Variants in TRAPPC6B observed in about 807,000 individuals in gnomAD.
TRAPPC6B encodes trafficking protein particle complex subunit 6B.
In TRAPPC6B, 27 loss-of-function variants were observed where a neutral mutation model predicts 24.7. That is an observed-to-expected ratio of 1.09 (90% CI 0.81 to 1.51). The LOEUF (loss-of-function observed/expected upper bound fraction) is 1.51, where lower values mean the gene tolerates loss of function less well. Ranked by LOEUF, TRAPPC6B falls within the 40% of genes most tolerant of loss-of-function variation. TRAPPC6B has a pLI of 0.00. For synonymous variants in TRAPPC6B, 80 were observed against 66.6 expected, an observed-to-expected ratio of 1.20 and a Z score of -0.98; for missense variants, 212 against 190.8, an observed-to-expected ratio of 1.11 and a Z score of -0.66.
At chr14:39,161,512 C>T (rs2053058574) in intron 1 of TRAPPC6B, among the ~76,000 whole-genome samples, 1 of 152,120 alleles carries the variant, frequency 6.6e-6, no homozygotes, top group African/African-American at 2.4e-5. Flanking sequence ...AGCACAAATG[C>T]AACATATTAT....
At chr14:39,153,386 G>A (rs772123437) in intron 4 of TRAPPC6B, among the ~76,000 whole-genome samples, 7 of 151,998 alleles carry the variant, frequency 4.6e-5, no homozygotes, top group Admixed American at 3.3e-4. Context: ...CCAACACACT[G>A]GGAGGCCGAG....
intron 2 of TRAPPC6B, 78 bp downstream of exon 2, chr14:39,159,405 T>C: frequency 1.0e-6 from 1 of 994,700 alleles, no homozygotes; most frequent in Non-Finnish European, 1.4e-6. Context: ...ATATCCCAAG[T>C]TTTATGCAAT....
At chr14:39,153,703 CTTTTTTTT>C (rs753192860) in intron 4 of TRAPPC6B, among the ~76,000 whole-genome samples, 2 of 129,108 alleles carry the variant, frequency 1.5e-5, no homozygotes, top group African/African-American at 5.8e-5. Flanking sequence ...TCTTTTTTTT[CTTTTTTTT>C]TTTTTTTGAG....
At chr14:39,154,808 G>A (rs189798943) in intron 3 of TRAPPC6B, among the ~76,000 whole-genome samples, 3 of 152,102 alleles carry the variant, frequency 2.0e-5, no homozygotes, top group South Asian at 2.1e-4. Context: ...AATGTATACC[G>A]AACGGTTTTA....
intron 3 of TRAPPC6B, chr14:39,157,558 G>C: frequency 2.5e-6 from 1 of 393,610 alleles, no homozygotes; most frequent in Non-Finnish European, 5.0e-6. Flanking sequence ...CATCGAGGTG[G>C]CTGTCTTCCT....
At chr14:39,151,964 A>T in intron 4 of TRAPPC6B, 125 bp from the exon 5 acceptor site, 1 of 666,574 alleles carries the variant, frequency 1.5e-6, no homozygotes. Context: ...GATTTTGAAG[A>T]ACTGTTCAAA....
intron 1 of TRAPPC6B, among the ~76,000 whole-genome samples, chr14:39,169,573 G>A (rs1449589016): frequency 6.6e-6 from 1 of 152,118 alleles, no homozygotes; most frequent in Admixed American, 6.5e-5. Flanking sequence ...TAGGCTTCAG[G>A]TCTCAAGTTG....
chr14:39,157,119 A>G (rs764960463), intron 3 of TRAPPC6B: 16 of 193,648 alleles, frequency 8.3e-5, no homozygotes, highest in South Asian at 3.4e-4. Flanking sequence ...AAAAAAAAAA[A>G]AAAAAAAGAA....
In TRAPPC6B at chr14:39,170,184, G is replaced by T; in HGVS notation, c.-89C>A. On this transcript the variant is annotated 5_prime_UTR_variant, in exon 1 of 6. Coordinates refer to ENST00000330149, the MANE Select transcript of TRAPPC6B (RefSeq NM_001079537.2). ...CTCGCGCCTCAGCGACTTCGCCGGC[G>T]CCGCGGCTCCGTCAGGCCGCCATTC... is the stretch of plus-strand genomic sequence containing the variant. The T allele has an allele frequency of 1.5e-6, 2 of 1,335,930 alleles. No individual in the cohort carries two copies. Among genetic ancestry groups the T allele is most frequent in the Middle Eastern group, 1.8e-4 (1 of 5,424 alleles). The allele number at this position is 1,335,930 out of a possible 1,614,324, so 82.8% of individuals were successfully genotyped here.
rs185935214 is a variant in TRAPPC6B at position 39,165,948 on chromosome 14, C to T, written c.81+4067G>A. The stretch of plus-strand genomic sequence containing the variant: ...CCTCCCGAGTAGCTGGGACTACATG[C>T]GTGCACCACCACACCCAGCTATTTT... On this transcript the variant is annotated intron_variant, in intron 1 of 5. Coordinates refer to ENST00000330149, the MANE Select transcript of TRAPPC6B (RefSeq NM_001079537.2). Among the ~76,000 whole-genome samples the T allele has an allele frequency of 1.1e-4, 17 of 152,288 alleles. No homozygotes were observed. In the East Asian group the frequency reaches 3.3e-3, roughly 29 times the overall value.
intron 3 of TRAPPC6B, chr14:39,157,150 CCT>C (rs1180260592): frequency 4.5e-5 from 11 of 243,016 alleles, no homozygotes; most frequent in Non-Finnish European, 8.2e-5. Context: ...TGGTGAATCC[CCT>C]GTTTGAGAAA....
intron 1 of TRAPPC6B, among the ~76,000 whole-genome samples, chr14:39,169,412 C>T (rs1251684295): frequency 6.6e-6 from 1 of 152,190 alleles, no homozygotes. Flanking sequence ...AAGGATGGGG[C>T]CATTGTTTCA....
intron 4 of TRAPPC6B, among the ~76,000 whole-genome samples, chr14:39,152,569 C>G (rs537321612): frequency 2.6e-5 from 4 of 152,190 alleles, no homozygotes; most frequent in African/African-American, 9.6e-5. Flanking sequence ...AAAATATTAT[C>G]TTATAAATAA....
At chr14:39,152,894 T>C (rs867132552) in intron 4 of TRAPPC6B, among the ~76,000 whole-genome samples, 1 of 152,214 alleles carries the variant, frequency 6.6e-6, no homozygotes. Flanking sequence ...AGAGAAAATA[T>C]GCCAGGCATG....
At chr14:39,162,067 G>A (rs925630101) in intron 1 of TRAPPC6B, among the ~76,000 whole-genome samples, 2 of 152,150 alleles carry the variant, frequency 1.3e-5, no homozygotes, top group Admixed American at 1.3e-4. Context: ...CAAAGTTTTA[G>A]GTCACTTCTT....
At chr14:39,158,032 T>C (rs563937780) in intron 3 of TRAPPC6B, among the ~76,000 whole-genome samples, 1 of 152,360 alleles carries the variant, frequency 6.6e-6, no homozygotes, top group South Asian at 2.1e-4. Context: ...ATTCTCATCC[T>C]GACTTATGCT....
rs568726628 is a variant in TRAPPC6B at position 39,158,231 on chromosome 14, T to C, written c.267+54A>G. On this transcript the variant is annotated intron_variant, in intron 3 of 5. Transcript: ENST00000330149. Reference sequence around the variant, plus strand: ...TTTTAAATAAGTCACTAAAATACGATATTTATATCAAGTTAAAGGACTTTA... The same window carrying C: ...TTTTAAATAAGTCACTAAAATACGACATTTATATCAAGTTAAAGGACTTTA... 3.7e-5 allele frequency: 36 copies of C among 963,342 alleles called. No homozygotes were observed. In the African/African-American group the frequency reaches 4.6e-4, roughly 12 times the overall value. The allele number at this position is 963,342 out of a possible 1,614,324, so 59.7% of individuals were successfully genotyped here. A position where few individuals can be genotyped will look rare whatever the true frequency, so the allele number is the denominator to read the frequency against.
intron 4 of TRAPPC6B, among the ~76,000 whole-genome samples, chr14:39,153,997 G>A (rs527493067): frequency 2.0e-5 from 3 of 152,132 alleles, no homozygotes; most frequent in African/African-American, 7.2e-5. Context: ...GAGCCATAGC[G>A]CCCGGCCAGT....
chr14:39,169,459 G>T (rs2053142459), intron 1 of TRAPPC6B, among the ~76,000 whole-genome samples: 1 of 152,142 alleles, frequency 6.6e-6, no homozygotes, highest in South Asian at 2.1e-4. Context: ...AAATCGCTCT[G>T]ACATAAGGGC....
Sources: allele counts gnomAD v4.1 joint callset (sites outside exome capture counted in the v4.1 genomes callset), GRCh38; gene constraint gnomAD v4.1.1; transcripts MANE v1.5; gene names NCBI Gene and HGNC (gene_info 2026-07-23, HGNC 2026-07-21).